ZBTB20: variants seen among roughly 807,000 people sequenced by gnomAD.
ZBTB20 encodes the protein zinc finger and BTB domain-containing protein 20.
Under a neutral mutation model 56.9 loss-of-function variants are expected in ZBTB20, and 9 were observed. The ratio of observed to expected loss-of-function variants is 0.16; its 90% CI spans 0.10 to 0.28. The LOEUF is 0.28. Among genes scored for constraint, ZBTB20 ranks in the 10% least tolerant of loss-of-function variants. The pLI, the probability that ZBTB20 is intolerant of heterozygous loss-of-function variation, is 1.00. For missense variants in ZBTB20, 655 were observed against 1,003.0 expected (o/e 0.65, Z 4.69); for synonymous variants, 417 against 420.7 (o/e 0.99, Z 0.11).
chr3:114,832,679 G>C (rs897542848), intron 4 of ZBTB20, among the ~76,000 whole-genome samples: 8 of 152,072 alleles, frequency 5.3e-5, no homozygotes, highest in African/African-American at 1.9e-4. Flanking sequence ...AAGTCAATAT[G>C]TAAGTCTAAT....
chr3:115,077,394 C>T (rs962555540), intron 1 of ZBTB20, among the ~76,000 whole-genome samples: 4 of 152,144 alleles, frequency 2.6e-5, no homozygotes, highest in Admixed American at 1.3e-4. Flanking sequence ...AGATGATGAG[C>T]TGTTTGCCCT....
intron 5 of ZBTB20, among the ~76,000 whole-genome samples, chr3:114,773,338 T>C (rs2069351795): frequency 1.3e-5 from 2 of 152,262 alleles, no homozygotes; most frequent in Admixed American, 1.3e-4. Context: ...AAAACAAATA[T>C]ATTATCCAAC....
chr3:114,381,108 G>A (rs1444592493), intron 8 of ZBTB20, among the ~76,000 whole-genome samples, 168 bp from the exon 9 acceptor site: 1 of 152,140 alleles, frequency 6.6e-6, no homozygotes, highest in African/African-American at 2.4e-5. Context: ...ACGGATGAGG[G>A]GGTAGTGATG....
intron 1 of ZBTB20, among the ~76,000 whole-genome samples, chr3:115,123,084 T>C (rs1011162846): frequency 6.6e-6 from 1 of 152,152 alleles, no homozygotes. Flanking sequence ...CATGCTACAA[T>C]ACACTTCTTT....
At chr3:114,887,093 T>C in intron 4 of ZBTB20, among the ~76,000 whole-genome samples, 1 of 152,102 alleles carries the variant, frequency 6.6e-6, no homozygotes. Flanking sequence ...GGTCTCTCTT[T>C]ATGTTTCTAT....
chr3:114,845,941 G>A (rs1436268514), intron 4 of ZBTB20, among the ~76,000 whole-genome samples: 2 of 152,146 alleles, frequency 1.3e-5, no homozygotes, highest in African/African-American at 2.4e-5. Flanking sequence ...TAAGCACCTT[G>A]AGGACTTCCA....
chr3:114,973,162 G>C (rs1292410399), intron 3 of ZBTB20, among the ~76,000 whole-genome samples: 1 of 151,784 alleles, frequency 6.6e-6, no homozygotes, highest in East Asian at 1.9e-4. Flanking sequence ...TGAAATATGA[G>C]GTTTAAGAGT....
intron 7 of ZBTB20, among the ~76,000 whole-genome samples, chr3:114,456,273 C>A (rs1220174448): frequency 6.6e-6 from 1 of 151,872 alleles, no homozygotes; most frequent in Non-Finnish European, 1.5e-5. Flanking sequence ...GTCTTTAATT[C>A]ATTCTAGGAG....
chr3:114,682,835 G>A (rs1056759322), intron 6 of ZBTB20, among the ~76,000 whole-genome samples: 15 of 152,176 alleles, frequency 9.9e-5, no homozygotes, highest in African/African-American at 4.8e-5. Context: ...TCTCAGTAGA[G>A]TATGTGTTAA....
chr3:114,346,980 C>T (rs549626544), intron 11 of ZBTB20, among the ~76,000 whole-genome samples: 1 of 151,810 alleles, frequency 6.6e-6, no homozygotes, highest in South Asian at 2.1e-4. Context: ...GCCACCATGC[C>T]TGGCCCCAAA....
intron 6 of ZBTB20, among the ~76,000 whole-genome samples, chr3:114,584,200 A>C (rs1386403845): frequency 2.0e-5 from 3 of 152,206 alleles, no homozygotes; most frequent in Non-Finnish European, 4.4e-5. Flanking sequence ...ACTGATAGCT[A>C]TCCATCTGAA....
chr3:115,019,113 A>C (rs1249646566), intron 2 of ZBTB20, among the ~76,000 whole-genome samples: 1 of 151,226 alleles, frequency 6.6e-6, no homozygotes, highest in Non-Finnish European at 1.5e-5. Flanking sequence ...ACCCTGACTA[A>C]ATATTTTAAG....
intron 2 of ZBTB20, among the ~76,000 whole-genome samples, chr3:115,028,636 T>C (rs182800610): frequency 6.2e-5 from 9 of 146,212 alleles, no homozygotes; most frequent in South Asian, 2.1e-4. Context: ...TATAACAATA[T>C]ATTAAAAATA....
At chr3:114,552,449 C>T (rs1296172825) in intron 6 of ZBTB20, among the ~76,000 whole-genome samples, 4 of 151,550 alleles carry the variant, frequency 2.6e-5, no homozygotes, top group Middle Eastern at 3.4e-3. Context: ...TTTCCACTTC[C>T]CTTAGTCATT....
intron 4 of ZBTB20, among the ~76,000 whole-genome samples, chr3:114,823,857 A>G (rs2073379315): frequency 1.3e-5 from 2 of 152,202 alleles, no homozygotes; most frequent in Admixed American, 1.3e-4. Flanking sequence ...TCAAAACACC[A>G]TACGTGATTA....
At chr3:114,453,150 C>T (rs2091745058) in intron 7 of ZBTB20, among the ~76,000 whole-genome samples, 1 of 152,040 alleles carries the variant, frequency 6.6e-6, no homozygotes, top group Non-Finnish European at 1.5e-5. Context: ...GAAATGTTTG[C>T]TACAACACAA....
intron 6 of ZBTB20, among the ~76,000 whole-genome samples, chr3:114,527,907 C>A (rs1265287950): frequency 6.6e-6 from 1 of 151,622 alleles, no homozygotes; most frequent in African/African-American, 2.4e-5. Flanking sequence ...GGATGGGAGA[C>A]TTCTAGATGT....
chr3:114,816,011 A>G (rs541702811), intron 4 of ZBTB20, among the ~76,000 whole-genome samples: 9 of 152,334 alleles, frequency 5.9e-5, no homozygotes, highest in African/African-American at 2.2e-4. Flanking sequence ...AAAAGCCCCA[A>G]TGCATCTCTC....
At chr3:114,758,460 CT>C (rs2068178867) in intron 5 of ZBTB20, among the ~76,000 whole-genome samples, 1 of 152,044 alleles carries the variant, frequency 6.6e-6, no homozygotes. Context: ...TAAGGATTAG[CT>C]TGGTCCTAAT....
Sources: allele counts gnomAD v4.1 joint callset (sites outside exome capture counted in the v4.1 genomes callset), GRCh38; gene constraint gnomAD v4.1.1; transcripts MANE v1.5; gene names NCBI Gene and HGNC (gene_info 2026-07-23, HGNC 2026-07-21).